The following NLRP11 variants were observed in gnomAD, a reference collection of about 807,000 sequenced individuals.
NLRP11 encodes the protein NLR family pyrin domain containing 11.
In NLRP11, 53 loss-of-function variants were observed where a neutral mutation model predicts 79.3. The observed-to-expected ratio is 0.67, with a 90% CI of 0.54 to 0.84. The LOEUF (loss-of-function observed/expected upper bound fraction) is 0.84, where lower values mean the gene tolerates loss of function less well. NLRP11 is among the 40% of genes least tolerant of loss of function. NLRP11 has a pLI of 0.00. For missense variants in NLRP11, 1,264 were observed against 1,255.0 expected (o/e 1.01, Z -0.11); for synonymous variants, 518 against 462.6 (o/e 1.12, Z -1.54).
Position 55,809,527 on chromosome 19 carries a change from G to A in NLRP11, c.1083C>T (p.Leu361=). The A allele has an allele frequency of 6.2e-7, 1 of 1,614,184 alleles. No homozygotes were observed. The highest frequency in any genetic ancestry group is 8.5e-7 in the Non-Finnish European group (1 of 1,180,038). Reference sequence around the variant, plus strand: ...GTAGATCAGTGGGTGTTTGGCAGCAGAGCTGGAAGTCACGCCCCTTGTCCA... The same window carrying A: ...GTAGATCAGTGGGTGTTTGGCAGCAAAGCTGGAAGTCACGCCCCTTGTCCA... The change falls in exon 3 of 10, where the codon CTC becomes CTT. Residue 361 remains leucine (L), a synonymous_variant. Coordinates refer to ENST00000589093, the Ensembl canonical transcript of NLRP11. The surrounding 1 kb of genome is among the most constrained non-coding windows in gnomAD (Gnocchi z 4.5).
chr19:55,787,319 C>T (rs898730850), intron 9 of NLRP11, among the ~76,000 whole-genome samples: 1 of 152,124 alleles, frequency 6.6e-6, no homozygotes, highest in East Asian at 1.9e-4. Context: ...TCATCTTTGC[C>T]TCTAGCATAA....
chr19:55,820,847 GT>G (rs1981625746), intron 1 of NLRP11, among the ~76,000 whole-genome samples: 1 of 152,134 alleles, frequency 6.6e-6, no homozygotes, highest in African/African-American at 2.4e-5. Context: ...GTACATACAG[GT>G]GTCGTGTTGG....
chr19:55,815,939 G>A (rs561371878), intron 2 of NLRP11, among the ~76,000 whole-genome samples: 2 of 112,744 alleles, frequency 1.8e-5, no homozygotes, highest in African/African-American at 7.0e-5. Flanking sequence ...TCGAGGTTAT[G>A]AGCCTTGACT....
exon 2 of NLRP11, chr19:55,818,182 C>T (rs761514165): frequency 1.2e-6 from 2 of 1,608,836 alleles, no homozygotes; most frequent in South Asian, 2.2e-5. Context: ...CATCTTGCTT[C>T]TCCAGGGAAG....
rs1978866319 is a variant in NLRP11 at position 55,796,326 on chromosome 19, AAAG to A, written c.2172-79_2172-77del. ...CCTCTTTTAAATTAAAAAAAAAAAA[AAAG>A]AGAGACCTAACCAAGTGCGATGATG... On this transcript the variant is annotated intron_variant, in intron 5 of 9. Transcript: ENST00000589093. The A allele has an allele frequency of 4.1e-6, 5 of 1,233,750 alleles. No individual in the cohort carries two copies. In the South Asian group the frequency reaches 4.3e-5, roughly 11 times the overall value. 76.4% of individuals were successfully genotyped at this position (1,233,750 alleles called of 1,614,324 possible). A position where few individuals can be genotyped will look rare whatever the true frequency, so the allele number is the denominator to read the frequency against.
At chr19:55,791,683 G>A (rs1484081624) in intron 7 of NLRP11, among the ~76,000 whole-genome samples, 2 of 151,920 alleles carry the variant, frequency 1.3e-5, no homozygotes, top group African/African-American at 2.4e-5. Flanking sequence ...TTTTTTTCAG[G>A]CAAGTGGGAG....
chr19:55,817,845 CA>C, intron 2 of NLRP11, 58 bp downstream of exon 2: 1 of 1,162,720 alleles, frequency 8.6e-7, no homozygotes, highest in Middle Eastern at 2.3e-4. Context: ...AAAGGCCCAA[CA>C]CCCAGCTTCC....
At chr19:55,805,027 A>T (rs1979849818) in intron 4 of NLRP11, among the ~76,000 whole-genome samples, 1 of 150,980 alleles carries the variant, frequency 6.6e-6, no homozygotes, top group South Asian at 2.1e-4. Flanking sequence ...CACGCACTGC[A>T]CTCTAGCCTG....
intron 6 of NLRP11, among the ~76,000 whole-genome samples, chr19:55,793,458 C>T (rs570380783): frequency 1.4e-4 from 19 of 139,606 alleles, no homozygotes; most frequent in Non-Finnish European, 2.6e-4. Flanking sequence ...GTCCCAACTA[C>T]TTGGGAGGCT....
chr19:55,791,297 G>A (rs1323420226), intron 7 of NLRP11, among the ~76,000 whole-genome samples: 3 of 152,178 alleles, frequency 2.0e-5, no homozygotes, highest in Non-Finnish European at 2.9e-5. Flanking sequence ...GGGAGGGTGA[G>A]TTATATTATT....
intron 1 of NLRP11, among the ~76,000 whole-genome samples, chr19:55,830,085 C>T (rs1241465766): frequency 6.6e-6 from 1 of 152,178 alleles, no homozygotes; most frequent in African/African-American, 2.4e-5. Context: ...TGGACACATG[C>T]AGCTCAAACC....
At chr19:55,812,448 CAG>C (rs1980694008) in intron 2 of NLRP11, among the ~76,000 whole-genome samples, 1 of 152,070 alleles carries the variant, frequency 6.6e-6, no homozygotes. Context: ...ATCAAAGGAC[CAG>C]TATAAAATAC....
At chr19:55,800,171 G>T (rs1979338548) in intron 5 of NLRP11, among the ~76,000 whole-genome samples, 1 of 152,182 alleles carries the variant, frequency 6.6e-6, no homozygotes, top group Non-Finnish European at 1.5e-5. Flanking sequence ...GTACTTATTG[G>T]AGATGAAGTC....
At chr19:55,804,866 C>G (rs1423590974) in intron 4 of NLRP11, among the ~76,000 whole-genome samples, 2 of 152,090 alleles carry the variant, frequency 1.3e-5, no homozygotes, top group African/African-American at 4.8e-5. Context: ...AAATCGAGAC[C>G]ATCCTGGCTA....
At chr19:55,832,093 A>G (rs753785796), upstream of NLRP11, 1 of 152,174 alleles carries the variant, frequency 6.6e-6, no homozygotes, top group Non-Finnish European at 1.5e-5. Flanking sequence ...GTTCTTGATG[A>G]CCTTCGCGAT....
chr19:55,822,685 G>A (rs1452386934), intron 1 of NLRP11, among the ~76,000 whole-genome samples: 5 of 152,176 alleles, frequency 3.3e-5, no homozygotes, highest in East Asian at 1.9e-4. Context: ...ACTCCCACCC[G>A]AATACTGCGC....
chr19:55,797,303 AAAAATAAAT>A (rs1979019896), intron 5 of NLRP11, among the ~76,000 whole-genome samples: 1 of 152,228 alleles, frequency 6.6e-6, no homozygotes, highest in African/African-American at 2.4e-5. Context: ...ATCTCTAAAA[AAAAATAAAT>A]AAAATAAGTA....
At chr19:55,836,354 C>T (rs1420228245), upstream of NLRP11, 2 of 152,120 alleles carry the variant, frequency 1.3e-5, no homozygotes, top group Admixed American at 6.6e-5. Context: ...TGAAATATCC[C>T]CCGCTCTATA....
chr19:55,787,089 C>T (rs902694970), intron 9 of NLRP11, among the ~76,000 whole-genome samples: 6 of 151,968 alleles, frequency 3.9e-5, no homozygotes, highest in Non-Finnish European at 7.4e-5. Flanking sequence ...ATGAGTTGCC[C>T]CTCCTGTATT....
Sources: allele counts gnomAD v4.1 joint callset (sites outside exome capture counted in the v4.1 genomes callset), GRCh38; gene constraint gnomAD v4.1.1; non-coding constraint Gnocchi (gnomAD v3.1); transcripts MANE v1.5; gene names NCBI Gene and HGNC (gene_info 2026-07-23, HGNC 2026-07-21).